BNC2: variants seen among roughly 807,000 people sequenced by gnomAD.
BNC2 encodes the protein zinc finger protein basonuclin-2.
A neutral mutation model predicts 76.3 loss-of-function variants in BNC2; 20 were observed. The observed-to-expected ratio is 0.26, with a 90% CI of 0.18 to 0.38. The LOEUF is 0.38. BNC2 is among the 10% of genes least tolerant of loss of function. The pLI is 1.00. For synonymous variants in BNC2, 582 were observed against 514.8 expected (o/e 1.13, Z -1.77); for missense variants, 1,382 against 1,399.8 (o/e 0.99, Z 0.20).
At chr9:16,538,394 C>T (rs1191908146) in intron 5 of BNC2, among the ~76,000 whole-genome samples, 1 of 152,128 alleles carries the variant, frequency 6.6e-6, no homozygotes, top group African/African-American at 2.4e-5. Flanking sequence ...TATAAAACAT[C>T]TACATTTTAA....
At chr9:16,718,872 G>A (rs1450659537) in intron 3 of BNC2, among the ~76,000 whole-genome samples, 2 of 152,062 alleles carry the variant, frequency 1.3e-5, no homozygotes, top group African/African-American at 2.4e-5. Flanking sequence ...AATGGAGCAG[G>A]CATACACTTT....
intron 1 of BNC2, among the ~76,000 whole-genome samples, chr9:16,779,961 G>C (rs1042781117): frequency 1.3e-5 from 2 of 152,162 alleles, no homozygotes; most frequent in African/African-American, 4.8e-5. Context: ...AACTGGCCGG[G>C]CGTGGTGGCT....
chr9:16,440,614 A>T (rs1821107151), intron 5 of BNC2, among the ~76,000 whole-genome samples: 1 of 152,180 alleles, frequency 6.6e-6, no homozygotes, highest in Non-Finnish European at 1.5e-5. Context: ...ATAGGAACTG[A>T]TCAGTCCCAC....
chr9:16,568,634 T>C (rs985156250), intron 4 of BNC2, among the ~76,000 whole-genome samples: 1 of 152,136 alleles, frequency 6.6e-6, no homozygotes, highest in Non-Finnish European at 1.5e-5. Context: ...TCAGCTCTCT[T>C]ACCAGGCAAA....
chr9:16,641,630 A>C (rs993203427), intron 3 of BNC2, among the ~76,000 whole-genome samples: 11 of 152,224 alleles, frequency 7.2e-5, no homozygotes, highest in Admixed American at 2.6e-4. Flanking sequence ...TGGACTAAAC[A>C]ATCCTGCTAT....
At chr9:16,665,476 AAGAAAGAAAGAAAG>A (rs1196008596) in intron 3 of BNC2, among the ~76,000 whole-genome samples, 72 of 129,478 alleles carry the variant, frequency 5.6e-4, no homozygotes, top group South Asian at 1.2e-3. Flanking sequence ...GAAAGAAAGA[AAGAAAGAAAGAAAG>A]AGAGAGAGAG....
chr9:16,789,696 TTA>T (rs1444920398), intron 1 of BNC2, among the ~76,000 whole-genome samples: 2 of 152,228 alleles, frequency 1.3e-5, no homozygotes, highest in Non-Finnish European at 2.9e-5. Context: ...CAGAAATGTA[TTA>T]TACATGTTAT....
At chr9:16,656,464 C>G (rs928790356) in intron 3 of BNC2, among the ~76,000 whole-genome samples, 1 of 152,040 alleles carries the variant, frequency 6.6e-6, no homozygotes, top group Non-Finnish European at 1.5e-5. Flanking sequence ...AAAGTGGAGT[C>G]TGAAGTCAAG....
chr9:16,612,339 C>T (rs939261525), intron 3 of BNC2, among the ~76,000 whole-genome samples: 4 of 152,200 alleles, frequency 2.6e-5, no homozygotes, highest in Admixed American at 2.0e-4. Context: ...TGATACAATA[C>T]TGTACACATG....
chr9:16,778,809 T>C (rs1826039463), intron 1 of BNC2, among the ~76,000 whole-genome samples: 1 of 151,994 alleles, frequency 6.6e-6, no homozygotes, highest in Non-Finnish European at 1.5e-5. Context: ...CTCTGTTAAA[T>C]ACAAAACAAG....
At chr9:16,596,581 C>T (rs937977012) in intron 3 of BNC2, among the ~76,000 whole-genome samples, 1 of 152,122 alleles carries the variant, frequency 6.6e-6, no homozygotes, top group Non-Finnish European at 1.5e-5. Context: ...CTTTCATTTT[C>T]ACTTACAGAG....
intron 5 of BNC2, among the ~76,000 whole-genome samples, chr9:16,464,958 T>C (rs754176607): frequency 1.4e-4 from 21 of 152,192 alleles, no homozygotes; most frequent in Non-Finnish European, 2.6e-4. Context: ...GCCTTTCCAA[T>C]GCTAACTTAG....
At chr9:16,656,647 T>G (rs1464669432) in intron 3 of BNC2, among the ~76,000 whole-genome samples, 2 of 152,212 alleles carry the variant, frequency 1.3e-5, no homozygotes, top group African/African-American at 2.4e-5. Context: ...AGCTTCCATG[T>G]GGACCTTTAG....
chr9:16,867,520 T>C (rs778362496), intron 1 of BNC2: 1 of 152,180 alleles, frequency 6.6e-6, no homozygotes, highest in Non-Finnish European at 1.5e-5. Context: ...GAACTCCTCA[T>C]ATTCACTAAG....
chr9:16,764,574 A>G (rs1258102206), intron 1 of BNC2, among the ~76,000 whole-genome samples: 1 of 152,196 alleles, frequency 6.6e-6, no homozygotes, highest in African/African-American at 2.4e-5. Flanking sequence ...AGGCAATTTC[A>G]TTGGCCCTTT....
intron 3 of BNC2, among the ~76,000 whole-genome samples, chr9:16,628,633 A>G (rs745629945): frequency 2.0e-5 from 3 of 152,212 alleles, no homozygotes; most frequent in Non-Finnish European, 2.9e-5. Context: ...ACACACACGC[A>G]GAGCAATTCG....
intron 3 of BNC2, among the ~76,000 whole-genome samples, chr9:16,673,610 A>G (rs1587300813): frequency 6.6e-6 from 1 of 152,176 alleles, no homozygotes; most frequent in East Asian, 1.9e-4. Context: ...CATTAATTGT[A>G]TTATTACTTC....
chr9:16,484,923 T>C (rs1382404940), intron 5 of BNC2, among the ~76,000 whole-genome samples: 2 of 152,218 alleles, frequency 1.3e-5, no homozygotes, highest in Non-Finnish European at 2.9e-5. Context: ...TATGTGAAGC[T>C]TGGCTTCAGG....
chr9:16,733,768 C>T (rs1044710174), intron 2 of BNC2, among the ~76,000 whole-genome samples: 3 of 151,988 alleles, frequency 2.0e-5, no homozygotes, highest in Non-Finnish European at 4.4e-5. Context: ...CTGGTAATCC[C>T]AGCTACTCAG....
Sources: allele counts gnomAD v4.1 joint callset (sites outside exome capture counted in the v4.1 genomes callset), GRCh38; gene constraint gnomAD v4.1.1; transcripts MANE v1.5; gene names NCBI Gene and HGNC (gene_info 2026-07-23, HGNC 2026-07-21).